The following CXXC4 variants were observed in gnomAD, a reference collection of about 807,000 sequenced individuals.
CXXC4 encodes CXXC finger protein 4, also known as CXXC-type zinc finger protein 4.
CXXC4 carries 5 observed loss-of-function variants against 20.5 expected under a neutral mutation model. That is an observed-to-expected ratio of 0.24 (90% CI 0.13 to 0.51). The LOEUF is 0.51. CXXC4 is among the 20% of genes least tolerant of loss of function. The pLI is 0.97. For missense variants in CXXC4, 419 were observed against 496.4 expected, an observed-to-expected ratio of 0.84 and a Z score of 1.48; for synonymous variants, 250 against 216.4, an observed-to-expected ratio of 1.16 and a Z score of -1.36.
Position 104,490,962 on chromosome 4 carries a change from G to A in CXXC4, c.841C>T (p.Pro281Ser), listed in dbSNP as rs199602357. The part of the protein sequence containing the change: ...AFQIANLADC[P>S]QNHSSSSSSS... ...GAGGAGGAGGAGGAATGATTCTGCG[G>A]GCAGTCTGCCAGATTGGCAATTTGA... Residue 281 changes from proline to serine, a missense_variant, in exon 2 of 3, where the codon CCG becomes TCG. Coordinates refer to ENST00000394767, the MANE Select transcript of CXXC4 (RefSeq NM_025212.4). The A allele has an allele frequency of 9.9e-6, 16 of 1,613,932 alleles. 1 individual carries two copies. In the Admixed American group the frequency reaches 2.0e-4, roughly 20 times the overall value.
intron 2 of CXXC4, among the ~76,000 whole-genome samples, chr4:104,486,267 T>G (rs1319889553): frequency 1.3e-5 from 2 of 152,130 alleles, no homozygotes; most frequent in Non-Finnish European, 2.9e-5. Flanking sequence ...GTATTTACTG[T>G]GGGTACAACA....
chr4:104,481,710 G>A (rs145844989), intron 2 of CXXC4, among the ~76,000 whole-genome samples: 14 of 152,078 alleles, frequency 9.2e-5, no homozygotes, highest in South Asian at 4.2e-4. Flanking sequence ...TGGTACATAC[G>A]TATGTATGTA....
Position 104,472,353 on chromosome 4 carries a change from G to T in CXXC4, c.1073C>A (p.Pro358His). The part of the protein sequence containing the change: ...PGTSLERTPV[P>H]SAEAFRWFF ...GAACCATCGGAATGCTTCAGCGCTG[G>T]GAACAGGTGTTCTCTATAAAAAAAG... is the stretch of plus-strand genomic sequence containing the variant. The change falls in exon 3 of 3, where the codon CCC becomes CAC. Residue 358 changes from proline to histidine, a missense_variant. Around this residue, in one of 3 missense-constraint regions of CXXC4, gnomAD observed 16 missense variants for 17.4 expected, o/e 0.92. Transcript: ENST00000394767. The T allele has an allele frequency of 1.9e-6, 3 of 1,602,374 alleles. No individual in the cohort carries two copies. Among genetic ancestry groups the T allele is most frequent in the Non-Finnish European group, 2.6e-6 (3 of 1,173,668 alleles).
At position 104,491,808 on chromosome 4, in the gene CXXC4, A is replaced by AG; in HGVS notation, c.-7dup. 3.2e-6 allele frequency: 4 copies of AG among 1,266,872 alleles called. No homozygotes were observed. The highest frequency in any genetic ancestry group is 1.0e-6 in the Non-Finnish European group (1 of 982,368). The allele number at this position is 1,266,872 out of a possible 1,614,324, so 78.5% of individuals were successfully genotyped here. A position where few individuals can be genotyped will look rare whatever the true frequency, so the allele number is the denominator to read the frequency against. Reference sequence around the variant, plus strand: ...ACGCAGACATTGGTGTTCATGGTGCAGGGGGGGAAGAAGGGGTGCAGGGTG... The same window carrying AG: ...ACGCAGACATTGGTGTTCATGGTGCAGGGGGGGGAAGAAGGGGTGCAGGGTG... On this transcript the variant is annotated 5_prime_UTR_variant, in exon 2 of 3. Coordinates refer to ENST00000394767, the MANE Select transcript of CXXC4 (RefSeq NM_025212.4).
intron 2 of CXXC4, among the ~76,000 whole-genome samples, chr4:104,477,548 T>C (rs1578316023): frequency 6.6e-6 from 1 of 151,844 alleles, no homozygotes; most frequent in Non-Finnish European, 1.5e-5. Flanking sequence ...AGCAGAAAGA[T>C]TTTTCTATAT....
intron 2 of CXXC4, among the ~76,000 whole-genome samples, chr4:104,477,716 T>G (rs915321030): frequency 6.6e-6 from 1 of 152,120 alleles, no homozygotes; most frequent in South Asian, 2.1e-4. Flanking sequence ...AACATTTTAT[T>G]AATAATATCT....
intron 2 of CXXC4, among the ~76,000 whole-genome samples, chr4:104,474,667 T>G (rs542446180): frequency 4.6e-5 from 7 of 152,030 alleles, no homozygotes; most frequent in Non-Finnish European, 1.0e-4. Flanking sequence ...TGCATATATA[T>G]TCATATATAT....
intron 2 of CXXC4, among the ~76,000 whole-genome samples, chr4:104,484,062 C>T (rs1736622774): frequency 6.6e-6 from 1 of 151,958 alleles, no homozygotes; most frequent in African/African-American, 2.4e-5. Flanking sequence ...CACTAATAGA[C>T]ATCAGGGCTT....
chr4:104,487,393 T>C (rs934339177), intron 2 of CXXC4, among the ~76,000 whole-genome samples: 6 of 152,152 alleles, frequency 3.9e-5, no homozygotes, highest in Admixed American at 1.3e-4. Context: ...GTTCAGAGAC[T>C]AAGAGGCTGG....
intron 1 of CXXC4, among the ~76,000 whole-genome samples, chr4:104,493,129 TTTAATG>T (rs1162506691): frequency 6.6e-6 from 1 of 152,082 alleles, no homozygotes; most frequent in African/African-American, 2.4e-5. Context: ...AAGAGGAAAG[TTTAATG>T]TTAACTGGGT....
chr4:104,475,382 G>C (rs1042307339), intron 2 of CXXC4: 1 of 152,024 alleles, frequency 6.6e-6, no homozygotes, highest in African/African-American at 2.4e-5. Context: ...TTTTAAAAGT[G>C]TCAAAACTCT....
At chr4:104,486,538 T>C (rs1478162937) in intron 2 of CXXC4, among the ~76,000 whole-genome samples, 1 of 152,100 alleles carries the variant, frequency 6.6e-6, no homozygotes, top group Non-Finnish European at 1.5e-5. Context: ...AATTTCCCCT[T>C]TCCCTTTCAT....
At chr4:104,478,900 T>C (rs182396455) in intron 2 of CXXC4, among the ~76,000 whole-genome samples, 7 of 152,136 alleles carry the variant, frequency 4.6e-5, no homozygotes, top group Admixed American at 4.6e-4. Flanking sequence ...AATTATTTTA[T>C]TTATATAGTC....
At position 104,491,422 on chromosome 4, in the gene CXXC4, C is replaced by G; in HGVS notation, c.381G>C (p.Gly127=). ...TCCTGCCGCCCCCACCACCCCCGCCCCCGCCTCCGCCGCCGCCGCCGCCGC... is the reference window on the plus strand; with the variant it reads ...TCCTGCCGCCCCCACCACCCCCGCCGCCGCCTCCGCCGCCGCCGCCGCCGC... The part of the protein sequence containing the change: ...GGGGGGGGGG[G]GGGGGGGRKS... Residue 127 remains glycine, a synonymous_variant, in exon 2 of 3, where the codon GGG becomes GGC. Coordinates refer to ENST00000394767, the MANE Select transcript of CXXC4 (RefSeq NM_025212.4). 2.0e-6 allele frequency: 2 copies of G among 982,244 alleles called. No homozygotes were observed. The highest frequency in any genetic ancestry group is 2.6e-6 in the Non-Finnish European group (2 of 776,312). The allele number at this position is 982,244 out of a possible 1,614,324, so 60.8% of individuals were successfully genotyped here.
intron 2 of CXXC4, among the ~76,000 whole-genome samples, chr4:104,489,813 G>A (rs1736793818): frequency 1.3e-5 from 2 of 152,042 alleles, no homozygotes; most frequent in African/African-American, 4.8e-5. Flanking sequence ...TTACTTTAGT[G>A]AGCATCTGTA....
rs1190867356 is a variant in CXXC4, at chr4:104,468,790, C to T, written c.*3532G>A. On this transcript the variant is annotated 3_prime_UTR_variant, in exon 3 of 3. Coordinates refer to ENST00000394767, the MANE Select transcript of CXXC4 (RefSeq NM_025212.4). ...TCTAACCATGATCAAAGACCCGCTA[C>T]GGCTTTTTGCTGAACATATTTGACC... is the stretch of plus-strand genomic sequence containing the variant. The T allele has an allele frequency of 2.0e-5, 3 of 151,750 alleles. No homozygotes were observed. The highest frequency in any genetic ancestry group is 7.3e-5 in the African/African-American group (3 of 41,374). 9.4% of individuals were successfully genotyped at this position (151,750 alleles called of 1,614,324 possible).
chr4:104,480,423 CA>C (rs1736522781), intron 2 of CXXC4, among the ~76,000 whole-genome samples: 1 of 152,096 alleles, frequency 6.6e-6, no homozygotes, highest in African/African-American at 2.4e-5. Context: ...TTTGTACCAT[CA>C]GTTCATTATA....
At chr4:104,487,003 T>C (rs1736716437) in intron 2 of CXXC4, among the ~76,000 whole-genome samples, 1 of 152,188 alleles carries the variant, frequency 6.6e-6, no homozygotes, top group Non-Finnish European at 1.5e-5. Flanking sequence ...GAGACAGTAT[T>C]TGAATTTTTT....
Position 104,473,159 on chromosome 4 carries a change from A to G in CXXC4, c.1060-793T>C, listed in dbSNP as rs1439111850. ...TCTGACAGAATAATAACAAATATCA[A>G]TATTACCTGCAACACTTATCATTAA... On this transcript the variant is annotated intron_variant, in intron 2 of 2. Transcript: ENST00000394767. Among the ~76,000 whole-genome samples, 8 of 151,878 alleles carry G rather than the reference A, an allele frequency of 5.3e-5. No individual in the cohort carries two copies. The East Asian group carries it at 7.7e-4, about 15-fold the overall frequency.
Sources: gnomAD v4.1 joint callset for allele counts (sites outside exome capture counted in the v4.1 genomes callset) on GRCh38, gnomAD v4.1.1 for gene constraint, gnomAD v4.1.1 regional missense constraint, MANE v1.5 for transcripts, NCBI Gene and HGNC (gene_info 2026-07-23, HGNC 2026-07-21) for gene names.